Variants in LTBP1 observed in about 807,000 individuals in gnomAD.
The protein encoded by LTBP1 is latent-transforming growth factor beta-binding protein 1.
LTBP1 carries 129 observed loss-of-function variants against 207.6 expected under a neutral mutation model. That is an observed-to-expected ratio of 0.62 (90% CI 0.54 to 0.72). LTBP1 has a LOEUF of 0.72. Among genes scored for constraint, LTBP1 ranks in the 30% least tolerant of loss-of-function variants. The pLI is 0.00. For missense variants in LTBP1, 2,281 were observed against 2,217.2 expected (o/e 1.03, Z -0.58); for synonymous variants, 963 against 833.7 (o/e 1.16, Z -2.67).
chr2:33,375,391 G>A (rs1263616125), intron 31 of LTBP1, among the ~76,000 whole-genome samples: 1 of 152,192 alleles, frequency 6.6e-6, no homozygotes. Context: ...GGTGTTCAGG[G>A]AATTGCACAG....
At chr2:33,383,420 C>T (rs893739539) in intron 31 of LTBP1, among the ~76,000 whole-genome samples, 2 of 152,208 alleles carry the variant, frequency 1.3e-5, no homozygotes, top group Non-Finnish European at 2.9e-5. Flanking sequence ...TCATTTCATT[C>T]TCTTTATCTC....
intron 2 of LTBP1, among the ~76,000 whole-genome samples, chr2:33,014,596 G>A (rs557388423): frequency 1.8e-4 from 28 of 152,332 alleles, no homozygotes; most frequent in Non-Finnish European, 4.0e-4. Context: ...GGGGCAGAGA[G>A]TCACACTGTT....
chr2:32,987,816 A>T (rs1427634735), intron 2 of LTBP1, among the ~76,000 whole-genome samples: 1 of 152,200 alleles, frequency 6.6e-6, no homozygotes, highest in African/African-American at 2.4e-5. Context: ...GAACTAGAAT[A>T]ATGGTTCCCT....
chr2:32,993,384 C>T (rs1295367323), intron 2 of LTBP1, among the ~76,000 whole-genome samples: 1 of 152,120 alleles, frequency 6.6e-6, no homozygotes, highest in Non-Finnish European at 1.5e-5. Context: ...GGAAAACAAT[C>T]TTCACATTGT....
intron 5 of LTBP1, among the ~76,000 whole-genome samples, chr2:33,167,541 GC>G (rs527601429): frequency 6.6e-5 from 10 of 152,334 alleles, no homozygotes; most frequent in African/African-American, 2.4e-4. Context: ...TGTCTGTCCT[GC>G]ACACAAGCAT....
chr2:33,343,127 G>A (rs1298085043), intron 25 of LTBP1, among the ~76,000 whole-genome samples, 164 bp downstream of exon 25: 1 of 152,080 alleles, frequency 6.6e-6, no homozygotes, highest in Non-Finnish European at 1.5e-5. Flanking sequence ...TGTTGGCTGG[G>A]TGCATGGCTC....
At chr2:33,245,599 A>C (rs1461817237) in intron 10 of LTBP1, among the ~76,000 whole-genome samples, 1 of 152,206 alleles carries the variant, frequency 6.6e-6, no homozygotes, top group Non-Finnish European at 1.5e-5. Context: ...TAGACCATAA[A>C]ATTACATTTG....
intron 4 of LTBP1, among the ~76,000 whole-genome samples, chr2:33,119,166 A>AT (rs34112067): frequency 0.11 from 16,434 of 150,096 alleles, 1,245 homozygotes; most frequent in African/African-American, 0.21. Context: ...AGTCAGACTG[A>AT]TTTTTTTTTT....
chr2:33,262,984 A>G (rs2093061457), intron 14 of LTBP1, among the ~76,000 whole-genome samples, 163 bp downstream of exon 14: 1 of 151,608 alleles, frequency 6.6e-6, no homozygotes, highest in African/African-American at 2.4e-5. Flanking sequence ...TAATTACAGC[A>G]TTGTAAGGAT....
intron 7 of LTBP1, among the ~76,000 whole-genome samples, chr2:33,209,186 T>C (rs1315921825): frequency 6.6e-6 from 1 of 152,086 alleles, no homozygotes; most frequent in Admixed American, 6.5e-5. Flanking sequence ...CTTTCTACTA[T>C]TGCACCCTGA....
At chr2:33,112,031 G>C (rs2150277789) in intron 4 of LTBP1, among the ~76,000 whole-genome samples, 1 of 152,224 alleles carries the variant, frequency 6.6e-6, no homozygotes, top group East Asian at 1.9e-4. Flanking sequence ...AAAAATTAAG[G>C]AAAAGATGTA....
intron 5 of LTBP1, among the ~76,000 whole-genome samples, chr2:33,138,885 G>A (rs1187869222): frequency 1.8e-5 from 2 of 110,726 alleles, no homozygotes; most frequent in East Asian, 5.4e-4. Context: ...TTGAGACGGA[G>A]TCTCGCTCTG....
At chr2:33,254,852 G>GTTTTTTTTTTTTTTTT (rs70938393) in intron 11 of LTBP1, among the ~76,000 whole-genome samples, 3 of 10,362 alleles carry the variant, frequency 2.9e-4, no homozygotes, top group African/African-American at 5.4e-4. Flanking sequence ...GCGGTGTTTG[G>GTTTTTTTTTTTTTTTT]TTTTTTTTTT....
intron 2 of LTBP1, among the ~76,000 whole-genome samples, chr2:32,975,221 T>C (rs1428548709): frequency 6.6e-6 from 1 of 152,238 alleles, no homozygotes; most frequent in Non-Finnish European, 1.5e-5. Context: ...TCTTCTGGCT[T>C]AGACAGTATT....
At chr2:33,392,263 C>CA (rs2095321390) in intron 32 of LTBP1, among the ~76,000 whole-genome samples, 1 of 151,846 alleles carries the variant, frequency 6.6e-6, no homozygotes, top group Admixed American at 6.6e-5. Context: ...TGGCTCACTG[C>CA]AACCTCCACT....
chr2:33,347,892 T>A (rs2094725485), intron 26 of LTBP1, among the ~76,000 whole-genome samples: 1 of 152,218 alleles, frequency 6.6e-6, no homozygotes. Context: ...GAGAAATGTG[T>A]CTTGACACTT....
chr2:33,267,039 G>A (rs986839138), intron 15 of LTBP1, among the ~76,000 whole-genome samples: 8 of 152,344 alleles, frequency 5.3e-5, no homozygotes, highest in Admixed American at 2.0e-4. Context: ...TGGCATCTCC[G>A]AGCTTTCGGG....
chr2:32,989,870 AGTAG>A (rs1163192350), intron 2 of LTBP1, among the ~76,000 whole-genome samples: 1 of 152,248 alleles, frequency 6.6e-6, no homozygotes, highest in Non-Finnish European at 1.5e-5. Context: ...CGGCAAAGGT[AGTAG>A]GTAACTAAAT....
chr2:32,992,190 T>C (rs760563287), intron 2 of LTBP1, among the ~76,000 whole-genome samples: 2 of 152,212 alleles, frequency 1.3e-5, no homozygotes. Context: ...ACTTGGTTCC[T>C]GCCATCCAAA....
Sources: gnomAD v4.1 joint callset for allele counts (sites outside exome capture counted in the v4.1 genomes callset) on GRCh38, gnomAD v4.1.1 for gene constraint, MANE v1.5 for transcripts, NCBI Gene and HGNC (gene_info 2026-07-23, HGNC 2026-07-21) for gene names.